LMOD3: variants seen among roughly 807,000 people sequenced by gnomAD.
The protein encoded by LMOD3 is leiomodin 3, also known as leiomodin-3.
In LMOD3, 31 loss-of-function variants were observed where a neutral mutation model predicts 41.8. The ratio of observed to expected loss-of-function variants is 0.74; its 90% CI spans 0.56 to 1.00. The LOEUF is 1.00. Ranked by LOEUF, LMOD3 falls within the 50% of genes least tolerant of loss-of-function variation. The probability of loss-of-function intolerance (pLI) is 0.00; values close to 1 mark genes in which losing one functional copy is unlikely to be tolerated. For synonymous variants in LMOD3, 292 were observed against 241.9 expected, an observed-to-expected ratio of 1.21 and a Z score of -1.92; for missense variants, 755 against 679.5, an observed-to-expected ratio of 1.11 and a Z score of -1.23.
At chr3:69,110,411 G>A (rs946123230) in intron 2 of LMOD3, among the ~76,000 whole-genome samples, 1 of 151,364 alleles carries the variant, frequency 6.6e-6, no homozygotes, top group Non-Finnish European at 1.5e-5. Context: ...TGTATTTTTA[G>A]TAGAGACGGG....
At chr3:69,116,892 C>T (rs2092376952) in intron 2 of LMOD3, among the ~76,000 whole-genome samples, 1 of 152,230 alleles carries the variant, frequency 6.6e-6, no homozygotes, top group South Asian at 2.1e-4. Context: ...TTCATTCCCT[C>T]TTCTACTCCG....
At position 69,119,048 on chromosome 3, in the gene LMOD3, C is replaced by T. The variant is rs1227101339; in HGVS notation, c.1307G>A (p.Gly436Glu). ...LPPGMWELLG[G>E]PKPDSRMQEF... The stretch of plus-strand genomic sequence containing the variant: ...CTGCATTCTGGAATCTGGCTTGGGT[C>T]CTCCCAACAGCTCCCACATCCCAGG... Residue 436 changes from glycine to glutamate, a missense_variant, in exon 2 of 3, where the codon GGA (glycine) becomes GAA (glutamate). Transcript: ENST00000420581. 1.9e-6 allele frequency: 3 copies of T among 1,613,492 alleles called. No individual in the cohort carries two copies. Among genetic ancestry groups the T allele is most frequent in the Non-Finnish European group, 2.5e-6 (3 of 1,179,858 alleles).
In LMOD3 at chr3:69,107,273, A is replaced by G. The variant is rs895554196; in HGVS notation, c.*1822T>C. ...ATTATCTTAAAAAAATAGAAACGCC[A>G]TATTTCTTTCCCATGGCTTGTCTTT... On this transcript the variant is annotated 3_prime_UTR_variant, in exon 3 of 3. Coordinates refer to ENST00000420581, the MANE Select transcript of LMOD3 (RefSeq NM_198271.5). 4.6e-5 allele frequency: 7 copies of G among 151,768 alleles called. No homozygotes were observed. The South Asian group carries it at 6.2e-4, about 14-fold the overall frequency. 9.4% of individuals were successfully genotyped at this position (151,768 alleles called of 1,614,324 possible).
chr3:69,119,396 T>C lies in LMOD3; in HGVS notation c.959A>G (p.Asn320Ser), dbSNP rs2107526363. Residue 320 changes from asparagine to serine, a missense_variant, in exon 2 of 3, where the codon AAT (asparagine) becomes AGT (serine). Coordinates refer to ENST00000420581, the MANE Select transcript of LMOD3 (RefSeq NM_198271.5). ...CACAATCCCTTTACCTGTGATGAAATTGGACTCGATGTTGAGAGTGGTGAT... is the reference window on the plus strand; with the variant it reads ...CACAATCCCTTTACCTGTGATGAAACTGGACTCGATGTTGAGAGTGGTGAT... ...RSITTLNIES[N>S]FITGKGIVAI... 4 of 1,613,968 alleles carry C rather than the reference T, an allele frequency of 2.5e-6. No homozygotes were observed. Among genetic ancestry groups the C allele is most frequent in the African/African-American group, 1.3e-5 (1 of 75,040 alleles).
At chr3:69,112,918 T>C (rs2092356107) in intron 2 of LMOD3, among the ~76,000 whole-genome samples, 2 of 152,220 alleles carry the variant, frequency 1.3e-5, no homozygotes, top group African/African-American at 2.4e-5. Context: ...AAACCTTTTT[T>C]CCCACTACAC....
chr3:69,112,231 A>C (rs945139036), intron 2 of LMOD3, among the ~76,000 whole-genome samples: 11 of 152,228 alleles, frequency 7.2e-5, no homozygotes, highest in Admixed American at 4.6e-4. Context: ...CTAGCATCAC[A>C]CAGTGCACAC....
chr3:69,111,045 A>G (rs991880670), intron 2 of LMOD3, among the ~76,000 whole-genome samples: 1 of 151,880 alleles, frequency 6.6e-6, no homozygotes, highest in Non-Finnish European at 1.5e-5. Context: ...CAACTCATCC[A>G]TCATGTATGT....
chr3:69,118,526 G>A (rs1250377689), intron 2 of LMOD3, among the ~76,000 whole-genome samples, 173 bp downstream of exon 2: 2 of 152,094 alleles, frequency 1.3e-5, no homozygotes, highest in African/African-American at 2.4e-5. Context: ...GGTGCTACAG[G>A]TGTACATCCT....
At position 69,118,682 on chromosome 3, in the gene LMOD3, T is replaced by G; in HGVS notation, c.1656+17A>C. The G allele has an allele frequency of 6.2e-7, 1 of 1,601,168 alleles. No homozygotes were observed. The highest frequency in any genetic ancestry group is 8.5e-7 in the Non-Finnish European group (1 of 1,172,442). ...ATGGAGGGTGCTCAGTCACCATTTC[T>G]CCCTCCTTCTACTTACAGGTTTAAG... On this transcript the variant is annotated intron_variant, in intron 2 of 2. Coordinates refer to ENST00000420581, the MANE Select transcript of LMOD3 (RefSeq NM_198271.5).
Position 69,118,805 on chromosome 3 carries a change from G to A in LMOD3, c.1550C>T (p.Thr517Met), listed in dbSNP as rs778825271. 1.3e-5 allele frequency: 21 copies of A among 1,611,074 alleles called. No individual in the cohort carries two copies. Among genetic ancestry groups the A allele is most frequent in the Non-Finnish European group, 1.5e-5 (18 of 1,179,204 alleles). ...EKTNLKDVIKTLKPVPRNRPP... is the reference protein window; with the variant it reads ...EKTNLKDVIKMLKPVPRNRPP... ...CCTGTTTCTCGGCACTGGCTTGAGCGTTTTGATGACATCTTTGAGGTTGGT... is the reference window on the plus strand; with the variant it reads ...CCTGTTTCTCGGCACTGGCTTGAGCATTTTGATGACATCTTTGAGGTTGGT... Residue 517 changes from threonine (T) to methionine (M), a missense_variant, in exon 2 of 3, where the codon ACG becomes ATG. Transcript: ENST00000420581.
chr3:69,120,721 C>A (rs2092403593), intron 1 of LMOD3, among the ~76,000 whole-genome samples: 1 of 151,774 alleles, frequency 6.6e-6, no homozygotes, highest in African/African-American at 2.4e-5. Flanking sequence ...GATACTCTGT[C>A]TAGGACAAGT....
Position 69,116,277 on chromosome 3 carries a change from G to A in LMOD3, c.1656+2422C>T, listed in dbSNP as rs184233805. 3.3e-3 allele frequency among the ~76,000 whole-genome samples: 499 copies of A among 152,304 alleles called. 4 individuals carry two copies. Among genetic ancestry groups the A allele is most frequent in the Non-Finnish European group, 5.5e-3 (371 of 68,018 alleles). ...TTCTTGCCGAGTGTTTTCCAGGACC[G>A]AATAGATGAAGTTGTGTGACATTTT... is the stretch of plus-strand genomic sequence containing the variant. On this transcript the variant is annotated intron_variant, in intron 2 of 2. Transcript: ENST00000420581.
rs1252768762 is a variant in LMOD3 at position 69,107,494 on chromosome 3, T to TTTTTTTTTTTTTTTTTTG, written c.*1600_*1601insCAAAAAAAAAAAAAAAAA. ...TTTTTTTTTTTTTTTTTTTTTTTTT[T>TTTTTTTTTTTTTTTTTTG]GAGATGGAGTATCACTCTGTCACCC... On this transcript the variant is annotated 3_prime_UTR_variant, in exon 3 of 3. Coordinates refer to ENST00000420581, the MANE Select transcript of LMOD3 (RefSeq NM_198271.5). 3 of 125,114 alleles carry TTTTTTTTTTTTTTTTTTG rather than the reference T, an allele frequency of 2.4e-5. No individual in the cohort carries two copies. The highest frequency in any genetic ancestry group is 4.8e-5 in the Non-Finnish European group (3 of 62,704). The allele number at this position is 125,114 out of a possible 1,614,324, so 7.8% of individuals were successfully genotyped here.
In LMOD3 at chr3:69,109,263, T is replaced by C. The variant is rs1214177914; in HGVS notation, c.1657-142A>G. On this transcript the variant is annotated intron_variant, in intron 2 of 2. Coordinates refer to ENST00000420581, the MANE Select transcript of LMOD3 (RefSeq NM_198271.5). ...GGCCAAAGCACCTCCAAAATCAAGA[T>C]AAAACAACAATCATAACCACAGCCA... is the stretch of plus-strand genomic sequence containing the variant. The C allele has an allele frequency of 7.0e-6, 5 of 712,548 alleles. No individual in the cohort carries two copies. The East Asian group carries it at 8.2e-5, about 12-fold the overall frequency. 44.1% of individuals were successfully genotyped at this position (712,548 alleles called of 1,614,324 possible).
intron 2 of LMOD3, among the ~76,000 whole-genome samples, chr3:69,115,560 C>T (rs1279977259): frequency 6.6e-6 from 1 of 151,992 alleles, no homozygotes; most frequent in East Asian, 1.9e-4. Flanking sequence ...ATAATGTTCT[C>T]TTTAGTAACA....
Position 69,109,213 on chromosome 3 carries a change from A to G in LMOD3, c.1657-92T>C, listed in dbSNP as rs2092337113. 3.4e-6 allele frequency: 4 copies of G among 1,185,670 alleles called. No homozygotes were observed. In the South Asian group the frequency reaches 5.2e-5, roughly 15 times the overall value. The allele number at this position is 1,185,670 out of a possible 1,614,324, so 73.4% of individuals were successfully genotyped here. On this transcript the variant is annotated intron_variant, in intron 2 of 2. Transcript: ENST00000420581. Reference sequence around the variant, plus strand: ...ATTTACAAAATTTACATGCCTTAAAAGATACAGAATAGGTTTGAAATTCTG... The same window carrying G: ...ATTTACAAAATTTACATGCCTTAAAGGATACAGAATAGGTTTGAAATTCTG...
At chr3:69,113,671 T>C (rs1279165648) in intron 2 of LMOD3, among the ~76,000 whole-genome samples, 2 of 152,188 alleles carry the variant, frequency 1.3e-5, no homozygotes, top group African/African-American at 4.8e-5. Flanking sequence ...TGAAGTGAAA[T>C]TGAGTGAATG....
At chr3:69,113,919 A>C (rs2092360275) in intron 2 of LMOD3, among the ~76,000 whole-genome samples, 1 of 152,176 alleles carries the variant, frequency 6.6e-6, no homozygotes, top group Admixed American at 6.5e-5. Context: ...TTATCATACG[A>C]CTCAGCTTTA....
intron 2 of LMOD3, among the ~76,000 whole-genome samples, chr3:69,112,653 C>T (rs1010206294): frequency 1.3e-5 from 2 of 152,148 alleles, no homozygotes; most frequent in Non-Finnish European, 2.9e-5. Context: ...AAGCAAGGCC[C>T]TTCAGGGAAG....
Sources: allele counts gnomAD v4.1 joint callset (sites outside exome capture counted in the v4.1 genomes callset), GRCh38; gene constraint gnomAD v4.1.1; transcripts MANE v1.5; gene names NCBI Gene and HGNC (gene_info 2026-07-23, HGNC 2026-07-21).